PRKG1: variants seen among roughly 807,000 people sequenced by gnomAD.
The protein encoded by PRKG1 is cGMP-dependent protein kinase 1.
A neutral mutation model predicts 88.1 loss-of-function variants in PRKG1; 35 were observed. The ratio of observed to expected loss-of-function variants is 0.40; its 90% CI spans 0.30 to 0.53. The LOEUF (loss-of-function observed/expected upper bound fraction) is 0.53. PRKG1 is among the 20% of genes least tolerant of loss of function. The pLI is 0.59. For missense variants in PRKG1, 540 were observed against 839.8 expected (o/e 0.64, Z 4.41); for synonymous variants, 303 against 292.5 (o/e 1.04, Z -0.37).
chr10:52,179,991 T>C (rs1838972939), intron 9 of PRKG1, among the ~76,000 whole-genome samples: 1 of 152,204 alleles, frequency 6.6e-6, no homozygotes, highest in East Asian at 1.9e-4. Flanking sequence ...CCAGCCTAAA[T>C]AGATTTTCTG....
At chr10:51,659,755 G>A (rs1840248855) in intron 3 of PRKG1, among the ~76,000 whole-genome samples, 1 of 152,024 alleles carries the variant, frequency 6.6e-6, no homozygotes, top group Admixed American at 6.6e-5. Flanking sequence ...ACTTGCTAGA[G>A]CTCATCACAA....
chr10:51,870,176 G>A (rs1179627688), intron 4 of PRKG1, among the ~76,000 whole-genome samples: 1 of 152,010 alleles, frequency 6.6e-6, no homozygotes, highest in African/African-American at 2.4e-5. Flanking sequence ...TCCTTACAGG[G>A]GCTTTTGTAA....
At chr10:52,104,096 C>T (rs1019706059) in intron 7 of PRKG1, among the ~76,000 whole-genome samples, 16 of 149,386 alleles carry the variant, frequency 1.1e-4, no homozygotes, top group African/African-American at 3.9e-4. Flanking sequence ...AATATAAATC[C>T]TGATTTTTAG....
intron 2 of PRKG1, among the ~76,000 whole-genome samples, chr10:51,446,006 C>T (rs1839262797): frequency 6.6e-6 from 1 of 151,906 alleles, no homozygotes. Flanking sequence ...AAAGATTGCC[C>T]TTGCCCTTAA....
intron 6 of PRKG1, among the ~76,000 whole-genome samples, chr10:52,061,424 G>A (rs1846232103): frequency 6.6e-6 from 1 of 152,016 alleles, no homozygotes; most frequent in Non-Finnish European, 1.5e-5. Flanking sequence ...TTCCGGGTAG[G>A]TGAATTTTAA....
chr10:51,424,896 G>T (rs1020011553), intron 2 of PRKG1, among the ~76,000 whole-genome samples: 1 of 152,060 alleles, frequency 6.6e-6, no homozygotes, highest in Non-Finnish European at 1.5e-5. Flanking sequence ...GTTCAATTCT[G>T]TATTACCATA....
chr10:51,811,729 C>G (rs1048747224), intron 4 of PRKG1, among the ~76,000 whole-genome samples: 2 of 152,136 alleles, frequency 1.3e-5, no homozygotes, highest in African/African-American at 4.8e-5. Context: ...AGTGTTTTTG[C>G]CTTTCCTATA....
chr10:52,271,551 C>A, intron 11 of PRKG1, 62 bp downstream of exon 11: 2 of 1,561,334 alleles, frequency 1.3e-6, no homozygotes, highest in Admixed American at 3.6e-5. Flanking sequence ...ACCACAAAAC[C>A]CTCTGCCACT....
intron 10 of PRKG1, among the ~76,000 whole-genome samples, chr10:52,268,990 G>T (rs1354408065): frequency 6.6e-6 from 1 of 151,752 alleles, no homozygotes; most frequent in African/African-American, 2.4e-5. Flanking sequence ...GAGGGACTAA[G>T]TGGAGTCAGA....
intron 2 of PRKG1, chr10:51,319,958 C>A: frequency 4.4e-6 from 1 of 228,176 alleles, no homozygotes; most frequent in Non-Finnish European, 9.5e-6. Context: ...CCATACCATA[C>A]AACTGGTCCT....
intron 2 of PRKG1, among the ~76,000 whole-genome samples, chr10:51,213,552 C>A (rs78374293): frequency 0.02 from 3,072 of 152,266 alleles, 47 homozygotes; most frequent in Middle Eastern, 0.051. Context: ...GGAGTGACCA[C>A]TCATTTGGAA....
chr10:51,711,256 C>T (rs1430018326), intron 3 of PRKG1, among the ~76,000 whole-genome samples: 1 of 152,104 alleles, frequency 6.6e-6, no homozygotes, highest in African/African-American at 2.4e-5. Flanking sequence ...CAGGCGCCCG[C>T]CACCACGCCT....
chr10:51,947,542 C>T (rs1843078172), intron 5 of PRKG1, among the ~76,000 whole-genome samples: 2 of 152,196 alleles, frequency 1.3e-5, no homozygotes. Flanking sequence ...GCAGAAATCA[C>T]CCGTCTTCTG....
intron 6 of PRKG1, among the ~76,000 whole-genome samples, chr10:52,056,836 A>T (rs1846122505): frequency 6.6e-6 from 1 of 152,106 alleles, no homozygotes; most frequent in South Asian, 2.1e-4. Context: ...ATCATTAAGA[A>T]TATGTCACCA....
chr10:51,326,324 G>A (rs1330449422), intron 2 of PRKG1, among the ~76,000 whole-genome samples: 2 of 152,190 alleles, frequency 1.3e-5, no homozygotes, highest in African/African-American at 2.4e-5. Context: ...TCAAGTGACA[G>A]CACTTTTGAG....
At chr10:51,999,041 C>T (rs1158713787) in intron 5 of PRKG1, among the ~76,000 whole-genome samples, 2 of 152,156 alleles carry the variant, frequency 1.3e-5, no homozygotes, top group Non-Finnish European at 2.9e-5. Context: ...TCACCTGTTT[C>T]CTCACCTCTG....
intron 7 of PRKG1, chr10:52,128,454 G>A: frequency 3.0e-6 from 3 of 985,386 alleles, no homozygotes; most frequent in Non-Finnish European, 2.4e-6. Flanking sequence ...TAAATTCCCT[G>A]TATGGATTAT....
rs144916889 is a variant in PRKG1, at chr10:51,291,553, T to G, written c.478+138223T>G. ...TCAGATTCTATCATGTGCCCATAAC[T>G]AAATCATTCACTGTAACCAATGAGA... On this transcript the variant is annotated intron_variant, in intron 2 of 17. Transcript: ENST00000373980. 1.4e-4 allele frequency among the ~76,000 whole-genome samples: 21 copies of G among 152,252 alleles called. No homozygotes were observed. The East Asian group carries it at 4.1e-3, about 29-fold the overall frequency.
At chr10:52,019,514 G>A (rs954101955) in intron 5 of PRKG1, among the ~76,000 whole-genome samples, 1 of 152,136 alleles carries the variant, frequency 6.6e-6, no homozygotes, top group East Asian at 1.9e-4. Flanking sequence ...CAAGAAGAGG[G>A]CACTCCAGGG....
Sources: allele counts gnomAD v4.1 joint callset (sites outside exome capture counted in the v4.1 genomes callset), GRCh38; gene constraint gnomAD v4.1.1; transcripts MANE v1.5; gene names NCBI Gene and HGNC (gene_info 2026-07-23, HGNC 2026-07-21).